Variants in DEPDC1B observed in about 807,000 individuals in gnomAD.
DEPDC1B encodes DEP domain containing 1B.
DEPDC1B carries 51 observed loss-of-function variants against 66.5 expected under a neutral mutation model. The observed-to-expected ratio is 0.77, with a 90% CI of 0.61 to 0.97. DEPDC1B has a LOEUF of 0.97. Among genes scored for constraint, DEPDC1B ranks in the 50% least tolerant of loss-of-function variants. The pLI is 0.00. For synonymous variants in DEPDC1B, 226 were observed against 223.6 expected (o/e 1.01, Z -0.10); for missense variants, 552 against 637.1 (o/e 0.87, Z 1.44).
intron 5 of DEPDC1B, among the ~76,000 whole-genome samples, chr5:60,643,193 AAAAAG>A (rs1343509315): frequency 1.3e-5 from 2 of 152,236 alleles, no homozygotes; most frequent in South Asian, 2.1e-4. Context: ...TTACAAAAAG[AAAAAG>A]AAAAGAAAAA....
chr5:60,649,678 G>A (rs112229303), intron 2 of DEPDC1B, among the ~76,000 whole-genome samples: 215 of 152,206 alleles, frequency 1.4e-3, no homozygotes, highest in Non-Finnish European at 2.5e-3. Context: ...AACTGGCCAA[G>A]AGAACAAACC....
intron 2 of DEPDC1B, among the ~76,000 whole-genome samples, chr5:60,686,492 T>C (rs1243094072): frequency 6.6e-6 from 1 of 152,230 alleles, no homozygotes; most frequent in East Asian, 1.9e-4. Flanking sequence ...AAAAGTGGAC[T>C]CACATTGTCG....
intron 2 of DEPDC1B, among the ~76,000 whole-genome samples, chr5:60,685,614 C>A (rs1284995699): frequency 6.6e-6 from 1 of 152,078 alleles, no homozygotes; most frequent in Non-Finnish European, 1.5e-5. Context: ...ACTCATAAAG[C>A]CTCCTGGGAC....
At position 60,697,360 on chromosome 5, in the gene DEPDC1B, C is replaced by CT. The variant is rs1754680765; in HGVS notation, c.48+2685dup. ...AGCCATGAAAGGAGAAAATAAAGGCCTAGTTTTTGTATCCCAATAGATTTT... is the reference window on the plus strand; with the variant it reads ...AGCCATGAAAGGAGAAAATAAAGGCCTTAGTTTTTGTATCCCAATAGATTTT... On this transcript the variant is annotated intron_variant, in intron 1 of 10. Transcript: ENST00000265036. 2.0e-5 allele frequency among the ~76,000 whole-genome samples: 3 copies of CT among 152,008 alleles called. No homozygotes were observed. The South Asian group carries it at 6.2e-4, about 32-fold the overall frequency.
chr5:60,673,273 T>TA (rs1345426423), intron 2 of DEPDC1B, among the ~76,000 whole-genome samples: 6 of 152,182 alleles, frequency 3.9e-5, no homozygotes, highest in Admixed American at 6.5e-5. Context: ...CATTGCAGCA[T>TA]GTGAAACAAT....
intron 5 of DEPDC1B, among the ~76,000 whole-genome samples, chr5:60,644,284 T>C (rs1561372247): frequency 6.6e-6 from 1 of 152,028 alleles, no homozygotes; most frequent in African/African-American, 2.4e-5. Flanking sequence ...GTGGGAAATA[T>C]AAAAAATCAA....
chr5:60,668,246 T>TAA (rs1554055061), intron 2 of DEPDC1B, among the ~76,000 whole-genome samples: 1 of 107,644 alleles, frequency 9.3e-6, no homozygotes, highest in South Asian at 2.7e-4. Flanking sequence ...TATATATATA[T>TAA]AAAATGGATA....
chr5:60,604,953 C>T (rs1752279922), intron 8 of DEPDC1B, among the ~76,000 whole-genome samples: 1 of 152,148 alleles, frequency 6.6e-6, no homozygotes, highest in Non-Finnish European at 1.5e-5. Context: ...TAAAACTGGG[C>T]CAGTGAATCC....
At chr5:60,636,016 C>A (rs112004503) in intron 7 of DEPDC1B, among the ~76,000 whole-genome samples, 1 of 152,156 alleles carries the variant, frequency 6.6e-6, no homozygotes, top group Admixed American at 6.5e-5. Context: ...TGCTTCCTAT[C>A]TGCCTCCCTC....
rs141096982 is a variant in DEPDC1B at position 60,644,812 on chromosome 5, C to G, written c.642G>C (p.Ser214=). 1 of 1,611,008 alleles carries G rather than the reference C, an allele frequency of 6.2e-7. No individual in the cohort carries two copies. Among genetic ancestry groups the G allele is most frequent in the Non-Finnish European group, 8.5e-7 (1 of 1,178,430 alleles). ...TATATACATTATGGATGATGAACTT[C>G]GAATTGACAAGTTTGACGTCTAAAA... ...EEVLDVKLVN[S]KFIIHNVYSV... Residue 214 remains serine (S), a synonymous_variant, in exon 5 of 11, where the codon TCG becomes TCC. Coordinates refer to ENST00000265036, the MANE Select transcript of DEPDC1B (RefSeq NM_018369.3).
chr5:60,670,588 A>C (rs1246333729), intron 2 of DEPDC1B, among the ~76,000 whole-genome samples: 5 of 152,212 alleles, frequency 3.3e-5, no homozygotes, highest in Admixed American at 2.0e-4. Flanking sequence ...AAGTTGGAGG[A>C]CTCACATTAC....
intron 2 of DEPDC1B, among the ~76,000 whole-genome samples, chr5:60,657,159 G>C (rs974877858): frequency 6.6e-6 from 1 of 152,032 alleles, no homozygotes; most frequent in African/African-American, 2.4e-5. Context: ...TTTCTACCCC[G>C]TTACCTTTAG....
At chr5:60,606,105 G>A (rs1032161786) in intron 7 of DEPDC1B, among the ~76,000 whole-genome samples, 1 of 151,954 alleles carries the variant, frequency 6.6e-6, no homozygotes, top group African/African-American at 2.4e-5. Context: ...ACACTAGACA[G>A]ATATATCTCA....
At chr5:60,627,348 A>C (rs1387641731) in intron 7 of DEPDC1B, among the ~76,000 whole-genome samples, 2 of 152,144 alleles carry the variant, frequency 1.3e-5, no homozygotes, top group African/African-American at 2.4e-5. Flanking sequence ...AAACCCTTCA[A>C]GATCATAAAC....
In DEPDC1B at chr5:60,687,176, G is replaced by C; in HGVS notation, c.100C>G (p.Arg34Gly). Residue 34 changes from arginine to glycine, a missense_variant, in exon 2 of 11, where the codon CGC (arginine) becomes GGC (glycine). By Grantham distance (125) the Arg-to-Gly change is moderately radical (BLOSUM62 -2). Coordinates refer to ENST00000265036, the MANE Select transcript of DEPDC1B (RefSeq NM_018369.3). ...FRAKMPLRKH[R>G]CRFKSYEHCF... is the part of the protein sequence containing the mutation. ...TGCTCATAGCTCTTGAAACGACAGCGATGTTTCCGTAACGGCATCTTAGCA... is the reference window on the plus strand; with the variant it reads ...TGCTCATAGCTCTTGAAACGACAGCCATGTTTCCGTAACGGCATCTTAGCA... 1 of 1,613,932 alleles carries C rather than the reference G, an allele frequency of 6.2e-7. No individual in the cohort carries two copies. The highest frequency in any genetic ancestry group is 1.1e-5 in the South Asian group (1 of 91,080).
intron 7 of DEPDC1B, among the ~76,000 whole-genome samples, chr5:60,607,854 C>T (rs572000146): frequency 3.9e-5 from 6 of 152,186 alleles, no homozygotes; most frequent in African/African-American, 1.2e-4. Context: ...GAGTGTGTGA[C>T]GTACAGGAAT....
chr5:60,677,314 ACACACACACACACTCTCT>A (rs1188337320), intron 2 of DEPDC1B, among the ~76,000 whole-genome samples: 1 of 113,728 alleles, frequency 8.8e-6, no homozygotes, highest in Non-Finnish European at 1.8e-5. Flanking sequence ...ACACACACAC[ACACACACACACACTCTCT>A]CTCTCTCTCT....
At chr5:60,689,541 T>C (rs1427159749) in intron 1 of DEPDC1B, among the ~76,000 whole-genome samples, 2 of 152,230 alleles carry the variant, frequency 1.3e-5, no homozygotes, top group African/African-American at 4.8e-5. Flanking sequence ...TTAACAAATC[T>C]ATGTTCTACC....
intron 7 of DEPDC1B, among the ~76,000 whole-genome samples, chr5:60,635,703 G>A (rs527593663): frequency 8.5e-5 from 13 of 152,262 alleles, no homozygotes; most frequent in African/African-American, 2.6e-4. Context: ...CTTCTAGTGG[G>A]AGCACTCACT....
Sources: allele counts gnomAD v4.1 joint callset (sites outside exome capture counted in the v4.1 genomes callset), GRCh38; gene constraint gnomAD v4.1.1; transcripts MANE v1.5; gene names NCBI Gene and HGNC (gene_info 2026-07-23, HGNC 2026-07-21).